The following YKT6 variants were observed in gnomAD, a reference collection of about 807,000 sequenced individuals.
The protein encoded by YKT6 is YKT6 vesicular SNARE protein, also known as synaptobrevin homolog YKT6.
In YKT6, 12 loss-of-function variants were observed where a neutral mutation model predicts 29.3. The observed-to-expected ratio is 0.41, with a 90% CI of 0.26 to 0.66. The LOEUF (loss-of-function observed/expected upper bound fraction) is 0.66. YKT6 is among the 30% of genes least tolerant of loss of function. The probability of loss-of-function intolerance (pLI) is 0.32; values close to 1 mark genes in which losing one functional copy is unlikely to be tolerated. For missense variants in YKT6, 188 were observed against 243.8 expected, an observed-to-expected ratio of 0.77 and a Z score of 1.52; for synonymous variants, 86 against 94.3, an observed-to-expected ratio of 0.91 and a Z score of 0.51.
intron 1 of YKT6, among the ~76,000 whole-genome samples, chr7:44,203,400 T>C (rs748918724): frequency 1.5e-4 from 23 of 152,228 alleles, no homozygotes; most frequent in Non-Finnish European, 3.1e-4. Flanking sequence ...GGCCTGAGCT[T>C]GTTTTCTTAT....
At chr7:44,204,748 C>T (rs1277248410) in intron 2 of YKT6, 98 bp downstream of exon 2, 6 of 1,084,104 alleles carry the variant, frequency 5.5e-6, no homozygotes, top group Non-Finnish European at 8.3e-6. Flanking sequence ...GGACCCTACT[C>T]CTCCTCTAGC....
intron 1 of YKT6, among the ~76,000 whole-genome samples, chr7:44,203,697 T>C (rs544936346): frequency 6.6e-6 from 1 of 152,270 alleles, no homozygotes; most frequent in African/African-American, 2.4e-5. Context: ...ACGTATTACC[T>C]CGTTTAACTG....
rs1177326407 is a variant in YKT6 at position 44,212,631 on chromosome 7, G to C, written c.*349G>C. On this transcript the variant is annotated 3_prime_UTR_variant, in exon 7 of 7. Coordinates refer to ENST00000223369, the MANE Select transcript of YKT6 (RefSeq NM_006555.4). ...CGGAGCCAGCTGTTTCTCGATCTTT[G>C]GTATATCTTTGGATCTTATTTGTAC... 1 of 279,818 alleles carries C rather than the reference G, an allele frequency of 3.6e-6. No individual in the cohort carries two copies. The highest frequency in any genetic ancestry group is 6.7e-6 in the Non-Finnish European group (1 of 148,800). The allele number at this position is 279,818 out of a possible 1,614,324, so 17.3% of individuals were successfully genotyped here. A position where few individuals can be genotyped will look rare whatever the true frequency, so the allele number is the denominator to read the frequency against.
Position 44,201,311 on chromosome 7 carries a change from G to C in YKT6, c.104+72G>C, listed in dbSNP as rs113749006. 2,934 of 1,387,880 alleles carry C rather than the reference G, an allele frequency of 2.1e-3. 66 individuals are homozygous for C. The African/African-American group carries it at 0.039, about 18-fold the overall frequency. The allele number at this position is 1,387,880 out of a possible 1,614,324, so 86.0% of individuals were successfully genotyped here. A position where few individuals can be genotyped will look rare whatever the true frequency, so the allele number is the denominator to read the frequency against. On this transcript the variant is annotated intron_variant, in intron 1 of 6. Coordinates refer to ENST00000223369, the MANE Select transcript of YKT6 (RefSeq NM_006555.4). ...TGGGGTGGGGGTCCGAGTCGGAGTG[G>C]GCCTGGGGTCGGCGGAGGGATGAGG...
chr7:44,210,718 G>C, intron 5 of YKT6: 1 of 446,340 alleles, frequency 2.2e-6, no homozygotes, highest in Non-Finnish European at 4.4e-6. Context: ...ATATAAATGT[G>C]TGTGTATATA....
Position 44,204,763 on chromosome 7 carries a change from T to C in YKT6, c.187+113T>C, listed in dbSNP as rs2096339173. The C allele has an allele frequency of 3.2e-6, 3 of 923,440 alleles. No individual in the cohort carries two copies. In the East Asian group the frequency reaches 7.8e-5, roughly 24 times the overall value. The allele number at this position is 923,440 out of a possible 1,614,324, so 57.2% of individuals were successfully genotyped here. A position where few individuals can be genotyped will look rare whatever the true frequency, so the allele number is the denominator to read the frequency against. ...GGACCCTACTCCTCCTCTAGCTTGT[T>C]CTCTCTTTCCCACCTCTTCCTTTTC... On this transcript the variant is annotated intron_variant, in intron 2 of 6. Coordinates refer to ENST00000223369, the MANE Select transcript of YKT6 (RefSeq NM_006555.4).
chr7:44,210,688 A>G (rs1333164297), intron 5 of YKT6: 1 of 387,224 alleles, frequency 2.6e-6, no homozygotes, highest in Non-Finnish European at 5.1e-6. Context: ...GTGCACACAC[A>G]CACACACACA....
chr7:44,201,029 T>G lies in YKT6; in HGVS notation c.-107T>G, dbSNP rs1035898872. 15 of 877,912 alleles carry G rather than the reference T, an allele frequency of 1.7e-5. No individual in the cohort carries two copies. Among genetic ancestry groups the G allele is most frequent in the Admixed American group, 7.4e-5 (2 of 27,048 alleles). 54.4% of individuals were successfully genotyped at this position (877,912 alleles called of 1,614,324 possible). On this transcript the variant is annotated 5_prime_UTR_variant, in exon 1 of 7. Coordinates refer to ENST00000223369, the MANE Select transcript of YKT6 (RefSeq NM_006555.4). ...GGCGGTGGCCCCGTCAGCAGCCGGC[T>G]GCTGAGAGGCCGGTAGGCGGCGGCG...
At chr7:44,211,729 C>A in intron 6 of YKT6, 1 of 582,886 alleles carries the variant, frequency 1.7e-6, no homozygotes, top group Non-Finnish European at 2.2e-6. Flanking sequence ...AGGGAGATGG[C>A]TAGGTGGGAT....
chr7:44,201,653 T>C (rs2096335855), intron 1 of YKT6, among the ~76,000 whole-genome samples: 1 of 152,190 alleles, frequency 6.6e-6, no homozygotes, highest in African/African-American at 2.4e-5. Context: ...TCTGAATTAG[T>C]AGATTGAGGC....
rs984777584 is a variant in YKT6, at chr7:44,212,900, C to T, written c.*618C>T. The T allele has an allele frequency of 1.3e-5, 2 of 152,352 alleles. No homozygotes were observed. Among genetic ancestry groups the T allele is most frequent in the Admixed American group, 6.5e-5 (1 of 15,296 alleles). 9.4% of individuals were successfully genotyped at this position (152,352 alleles called of 1,614,324 possible). ...CTTACCTTTCTGCTAGGATTGGCTT[C>T]CCGCAGAGGGCAGGGCCCATCCTAA... On this transcript the variant is annotated 3_prime_UTR_variant, in exon 7 of 7. Transcript: ENST00000223369.
At position 44,213,461 on chromosome 7, in the gene YKT6, C is replaced by G. The variant is rs1364590397; in HGVS notation, c.*1179C>G. ...CCTGCCACCTGGCAGGAGGCCCACT[C>G]ACTGCCCAAGTCATGGCAACAGGCT... On this transcript the variant is annotated 3_prime_UTR_variant, in exon 7 of 7. Transcript: ENST00000223369. 1.3e-5 allele frequency: 2 copies of G among 152,356 alleles called. No homozygotes were observed. The highest frequency in any genetic ancestry group is 2.9e-5 in the Non-Finnish European group (2 of 68,124). 9.4% of individuals were successfully genotyped at this position (152,356 alleles called of 1,614,324 possible).
chr7:44,204,172 T>C (rs2096338569), intron 1 of YKT6, among the ~76,000 whole-genome samples: 1 of 152,270 alleles, frequency 6.6e-6, no homozygotes, highest in African/African-American at 2.4e-5. Context: ...TGACAGTTTT[T>C]GCACACTATT....
chr7:44,206,532 C>T (rs1341290465), intron 3 of YKT6, 47 bp downstream of exon 3: 13 of 1,510,074 alleles, frequency 8.6e-6, no homozygotes, highest in Non-Finnish European at 1.1e-5. Flanking sequence ...TGAATGGGCA[C>T]ATTTATGGAC....
chr7:44,212,147 G>A, intron 6 of YKT6, 100 bp from the exon 7 acceptor site: 1 of 1,431,416 alleles, frequency 7.0e-7, no homozygotes, highest in Non-Finnish European at 9.8e-7. Context: ...TTCTCTGCCT[G>A]GCTGTGTCCT....
In YKT6 at chr7:44,210,991, C is replaced by G. The variant is rs1170800679; in HGVS notation, c.460-32C>G. 3 of 1,610,108 alleles carry G rather than the reference C, an allele frequency of 1.9e-6. No individual in the cohort carries two copies. The African/African-American group carries it at 4.0e-5, about 22-fold the overall frequency. Reference sequence around the variant, plus strand: ...GGCTCATGTCAGGGCACGTACTGAACAGAGCTGGATTCTCTTTTCTTTTTT... The same window carrying G: ...GGCTCATGTCAGGGCACGTACTGAAGAGAGCTGGATTCTCTTTTCTTTTTT... On this transcript the variant is annotated intron_variant, in intron 5 of 6. Transcript: ENST00000223369.
At chr7:44,207,527 G>T in intron 4 of YKT6, 35 bp downstream of exon 4, 3 of 1,594,726 alleles carry the variant, frequency 1.9e-6, no homozygotes, top group Non-Finnish European at 2.6e-6. Flanking sequence ...GACACCATGT[G>T]GCCCAGAATC....
At chr7:44,205,172 G>A (rs578183116) in intron 2 of YKT6, among the ~76,000 whole-genome samples, 3 of 152,340 alleles carry the variant, frequency 2.0e-5, no homozygotes, top group South Asian at 2.1e-4. Context: ...CTCAAGTCAC[G>A]TGACATAGAG....
chr7:44,202,025 G>C (rs919563931), intron 1 of YKT6, among the ~76,000 whole-genome samples: 2 of 152,186 alleles, frequency 1.3e-5, no homozygotes, highest in African/African-American at 4.8e-5. Flanking sequence ...AAGTAACACA[G>C]ACACTTCCAG....
Sources: gnomAD v4.1 joint callset for allele counts (sites outside exome capture counted in the v4.1 genomes callset) on GRCh38, gnomAD v4.1.1 for gene constraint, MANE v1.5 for transcripts, NCBI Gene and HGNC (gene_info 2026-07-23, HGNC 2026-07-21) for gene names.